Variants in LRRC7 observed in about 807,000 individuals in gnomAD.
LRRC7 encodes leucine rich repeat containing 7, also known as leucine-rich repeat-containing protein 7.
Under a neutral mutation model 175.7 loss-of-function variants are expected in LRRC7, and 23 were observed. The observed-to-expected ratio is 0.13, with a 90% CI of 0.09 to 0.19. The LOEUF is 0.19. Ranked by LOEUF, LRRC7 falls within the 10% of genes least tolerant of loss-of-function variation. The pLI, the probability that LRRC7 is intolerant of heterozygous loss-of-function variation, is 1.00. For synonymous variants in LRRC7, 685 were observed against 680.9 expected (o/e 1.01, Z -0.09); for missense variants, 1,354 against 1,904.7 (o/e 0.71, Z 5.38).
intron 7 of LRRC7, among the ~76,000 whole-genome samples, chr1:69,862,030 G>T (rs897614868): frequency 6.6e-6 from 1 of 152,202 alleles, no homozygotes; most frequent in Admixed American, 6.5e-5. Flanking sequence ...GTAGCTGTGT[G>T]TCAGGGTAGC....
chr1:70,098,965 A>G (rs1285858074), intron 25 of LRRC7, among the ~76,000 whole-genome samples: 2 of 152,296 alleles, frequency 1.3e-5, no homozygotes, highest in African/African-American at 4.8e-5. Context: ...TCCCTAACTC[A>G]TTTTATGAGG....
intron 3 of LRRC7, among the ~76,000 whole-genome samples, chr1:69,777,396 T>G (rs892656179): frequency 6.6e-6 from 1 of 152,240 alleles, no homozygotes. Flanking sequence ...CAATGCCTAC[T>G]TCAGGGGAGC....
At chr1:69,871,974 A>G (rs939905669) in intron 7 of LRRC7, among the ~76,000 whole-genome samples, 4 of 152,014 alleles carry the variant, frequency 2.6e-5, no homozygotes, top group Non-Finnish European at 4.4e-5. Flanking sequence ...TCTATTGTGA[A>G]AATATTTTAA....
At chr1:69,802,407 T>C (rs1676625241) in intron 4 of LRRC7, among the ~76,000 whole-genome samples, 2 of 151,476 alleles carry the variant, frequency 1.3e-5, no homozygotes, top group Non-Finnish European at 1.5e-5. Context: ...CAGTGGTGAG[T>C]GCATATATTT....
At chr1:69,859,826 A>G (rs1684168124) in intron 7 of LRRC7, among the ~76,000 whole-genome samples, 2 of 152,004 alleles carry the variant, frequency 1.3e-5, no homozygotes, top group South Asian at 4.1e-4. Context: ...AAAACCAACA[A>G]GAAAACTTTC....
At chr1:69,696,102 A>C (rs893795717) in intron 2 of LRRC7, among the ~76,000 whole-genome samples, 2 of 152,226 alleles carry the variant, frequency 1.3e-5, no homozygotes, top group Non-Finnish European at 2.9e-5. Flanking sequence ...TGGCCTCGAC[A>C]GGCTACAGGC....
intron 6 of LRRC7, among the ~76,000 whole-genome samples, chr1:69,836,661 G>C (rs560339440): frequency 3.3e-5 from 5 of 151,906 alleles, no homozygotes; most frequent in African/African-American, 1.2e-4. Flanking sequence ...GAGGACACTT[G>C]AAATTCCTTT....
Position 69,703,796 on chromosome 1 carries a change from C to T in LRRC7, c.100+25318C>T, listed in dbSNP as rs1483954894. On this transcript the variant is annotated intron_variant, in intron 2 of 26. Coordinates refer to ENST00000651989, the MANE Select transcript of LRRC7 (RefSeq NM_001370785.2). Reference sequence around the variant, plus strand: ...TGAGGTTTGCCTTTTAATTAATAATCCTTCCTAGTTAAAGAATATCAACAA... The same window carrying T: ...TGAGGTTTGCCTTTTAATTAATAATTCTTCCTAGTTAAAGAATATCAACAA... Among the ~76,000 whole-genome samples the T allele has an allele frequency of 5.3e-5, 8 of 151,872 alleles. No individual in the cohort carries two copies. In the South Asian group the frequency reaches 1.7e-3, roughly 31 times the overall value.
chr1:69,907,724 T>A (rs1646368261), intron 7 of LRRC7, among the ~76,000 whole-genome samples: 1 of 152,100 alleles, frequency 6.6e-6, no homozygotes, highest in Non-Finnish European at 1.5e-5. Flanking sequence ...AAAATTCTCT[T>A]TTTTGGTTGT....
intron 14 of LRRC7, among the ~76,000 whole-genome samples, chr1:70,016,895 C>A (rs908456906): frequency 7.9e-5 from 12 of 152,044 alleles, no homozygotes; most frequent in African/African-American, 2.7e-4. Flanking sequence ...ACCACAATCC[C>A]CACAACAGGG....
intron 7 of LRRC7, among the ~76,000 whole-genome samples, chr1:69,883,555 T>G (rs1686860126): frequency 9.9e-6 from 1 of 101,142 alleles, no homozygotes; most frequent in African/African-American, 3.8e-5. Context: ...TTTCTCCCAT[T>G]TTGTAGGTTG....
chr1:69,885,408 G>A (rs1418378011), intron 7 of LRRC7, among the ~76,000 whole-genome samples: 1 of 144,702 alleles, frequency 6.9e-6, no homozygotes, highest in South Asian at 2.2e-4. Flanking sequence ...TTGCGTAGAG[G>A]TGTTTGTAGT....
intron 25 of LRRC7, among the ~76,000 whole-genome samples, chr1:70,096,225 C>A (rs1664384708): frequency 6.6e-6 from 1 of 152,222 alleles, no homozygotes; most frequent in African/African-American, 2.4e-5. Context: ...GATCCGCCTG[C>A]CGCGGCCTCC....
intron 1 of LRRC7, among the ~76,000 whole-genome samples, chr1:69,651,010 G>A (rs1655749596): frequency 6.6e-6 from 1 of 152,166 alleles, no homozygotes; most frequent in Non-Finnish European, 1.5e-5. Context: ...GAAGCATCGA[G>A]CTAAATTATT....
rs561993817 is a variant in LRRC7 at position 69,667,644 on chromosome 1, T to C, written c.3-10737T>C. ...TACTCCTGCTCCGTTTTGGTTTCCA[T>C]TGGCATGGAATATCTTTTTTCTGTC... On this transcript the variant is annotated intron_variant, in intron 1 of 26. Coordinates refer to ENST00000651989, the MANE Select transcript of LRRC7 (RefSeq NM_001370785.2). 3.9e-5 allele frequency among the ~76,000 whole-genome samples: 6 copies of C among 152,352 alleles called. No individual in the cohort carries two copies. In the South Asian group the frequency reaches 1.0e-3, roughly 26 times the overall value.
intron 7 of LRRC7, among the ~76,000 whole-genome samples, chr1:69,883,814 G>T (rs1686886522): frequency 1.1e-5 from 1 of 93,098 alleles, no homozygotes. Flanking sequence ...AAGGGATCCA[G>T]TTTCAGCTTT....
At chr1:69,921,594 A>G (rs772640864) in intron 7 of LRRC7, among the ~76,000 whole-genome samples, 21 of 152,288 alleles carry the variant, frequency 1.4e-4, no homozygotes, top group Non-Finnish European at 1.3e-4. Flanking sequence ...CCTATCTGAC[A>G]TCACATTATT....
intron 4 of LRRC7, among the ~76,000 whole-genome samples, chr1:69,814,763 A>T (rs1678385039): frequency 6.6e-6 from 1 of 152,138 alleles, no homozygotes; most frequent in South Asian, 2.1e-4. Context: ...GCCACTGGTA[A>T]CCTACTTTTC....
chr1:69,779,386 T>A (rs189847677), intron 3 of LRRC7, among the ~76,000 whole-genome samples: 1 of 152,328 alleles, frequency 6.6e-6, no homozygotes, highest in East Asian at 1.9e-4. Context: ...GCTTTCACAT[T>A]TTTCTATTTC....
Sources: allele counts gnomAD v4.1 joint callset (sites outside exome capture counted in the v4.1 genomes callset), GRCh38; gene constraint gnomAD v4.1.1; transcripts MANE v1.5; gene names NCBI Gene and HGNC (gene_info 2026-07-23, HGNC 2026-07-21).